Variants in RARB observed in about 807,000 individuals in gnomAD.
The protein encoded by RARB is retinoic acid receptor beta, also known as HBV-activated protein.
In RARB, 17 loss-of-function variants were observed where a neutral mutation model predicts 51.9. The observed-to-expected ratio is 0.33, with a 90% CI of 0.22 to 0.49. The LOEUF (loss-of-function observed/expected upper bound fraction) is 0.49, where lower values mean the gene tolerates loss of function less well. RARB is among the 20% of genes least tolerant of loss of function. The pLI, the probability that RARB is intolerant of heterozygous loss-of-function variation, is 0.99. For synonymous variants in RARB, 215 were observed against 195.4 expected (o/e 1.10, Z -0.84); for missense variants, 369 against 550.8 (o/e 0.67, Z 3.30).
In RARB at chr3:25,056,686, TATG is replaced by T. The variant is rs551802884; in HGVS notation, c.-379-3436_-379-3434del. On this transcript the variant is annotated intron_variant, in intron 2 of 11. Coordinates refer to the RARB transcript ENST00000383772. ...TACTTGTATGTATCTCAATGTATCA[TATG>T]ATATACATACCTGTATATATGATAA... Among the ~76,000 whole-genome samples the T allele has an allele frequency of 1.4e-3, 214 of 152,298 alleles. 1 individual carries two copies. The highest frequency in any genetic ancestry group is 8.7e-3 in the South Asian group (42 of 4,826).
chr3:25,223,955 A>G, intron 5 of RARB, among the ~76,000 whole-genome samples: 1 of 152,214 alleles, frequency 6.6e-6, no homozygotes, highest in East Asian at 1.9e-4. Flanking sequence ...AAATATTTAA[A>G]AATTTTTTGA....
At chr3:25,263,881 A>G (rs1264538395) in intron 5 of RARB, among the ~76,000 whole-genome samples, 3 of 152,184 alleles carry the variant, frequency 2.0e-5, no homozygotes, top group African/African-American at 7.2e-5. Context: ...GTGTCTTCTC[A>G]GCAGTTCTGA....
intron 2 of RARB, among the ~76,000 whole-genome samples, chr3:25,054,479 T>G (rs1177838005): frequency 4.6e-5 from 7 of 152,152 alleles, no homozygotes; most frequent in Non-Finnish European, 1.0e-4. Context: ...TGGTGGTGTT[T>G]GGTGTGAACC....
intron 2 of RARB, among the ~76,000 whole-genome samples, chr3:25,056,633 T>A (rs1698447900): frequency 6.6e-6 from 1 of 152,128 alleles, no homozygotes; most frequent in Admixed American, 6.6e-5. Flanking sequence ...AATTCTTTAG[T>A]ATATACCCAA....
intron 1 of RARB, among the ~76,000 whole-genome samples, chr3:24,834,335 C>T (rs1702315758): frequency 1.3e-5 from 2 of 152,066 alleles, no homozygotes; most frequent in Non-Finnish European, 2.9e-5. Context: ...CTTGAATAGC[C>T]TGTTTTTTTC....
At chr3:24,857,358 T>A (rs2125339461) in intron 1 of RARB, among the ~76,000 whole-genome samples, 1 of 152,336 alleles carries the variant, frequency 6.6e-6, no homozygotes. Flanking sequence ...CCACTGCTCG[T>A]TCACCCAGAA....
chr3:25,444,863 C>T (rs1708858185), intron 1 of RARB, among the ~76,000 whole-genome samples: 1 of 152,184 alleles, frequency 6.6e-6, no homozygotes, highest in African/African-American at 2.4e-5. Flanking sequence ...CATTGCATTA[C>T]AGGAGGTGAG....
At chr3:25,434,762 G>C (rs139002538) in intron 1 of RARB, among the ~76,000 whole-genome samples, 2 of 151,572 alleles carry the variant, frequency 1.3e-5, no homozygotes, top group East Asian at 1.9e-4. Context: ...GGATGGTCTC[G>C]ATCTCCTGAC....
chr3:25,145,868 A>AG (rs1418564891), intron 4 of RARB, among the ~76,000 whole-genome samples: 2 of 151,854 alleles, frequency 1.3e-5, no homozygotes, highest in African/African-American at 4.8e-5. Flanking sequence ...CAGGCATGGT[A>AG]GGGGGTGCCT....
chr3:25,507,896 C>T (rs1407861470), intron 3 of RARB, among the ~76,000 whole-genome samples: 1 of 152,020 alleles, frequency 6.6e-6, no homozygotes, highest in Non-Finnish European at 1.5e-5. Flanking sequence ...ACTGGGTGCC[C>T]CTACCCTGTG....
intron 2 of RARB, chr3:25,462,327 C>T (rs2125556878): frequency 6.6e-6 from 1 of 152,190 alleles, no homozygotes; most frequent in South Asian, 2.1e-4. Context: ...AGAAACATGA[C>T]TTCAAAGGCA....
intron 2 of RARB, among the ~76,000 whole-genome samples, chr3:24,985,856 C>T (rs897547322): frequency 1.3e-5 from 2 of 152,236 alleles, no homozygotes; most frequent in African/African-American, 4.8e-5. Flanking sequence ...AGCCTCCACG[C>T]ATGTCAGTAT....
At chr3:24,860,900 T>G (rs1366107594) in intron 2 of RARB, among the ~76,000 whole-genome samples, 1 of 152,186 alleles carries the variant, frequency 6.6e-6, no homozygotes, top group Non-Finnish European at 1.5e-5. Context: ...ACAAGTAAAC[T>G]TGCTACTCAG....
intron 2 of RARB, among the ~76,000 whole-genome samples, chr3:25,031,020 T>A (rs1430682437): frequency 6.6e-6 from 1 of 152,142 alleles, no homozygotes; most frequent in Non-Finnish European, 1.5e-5. Context: ...TGGGCCACAG[T>A]AGGGTTTCTT....
intron 5 of RARB, among the ~76,000 whole-genome samples, chr3:25,233,385 C>T (rs956402718): frequency 6.6e-6 from 1 of 152,070 alleles, no homozygotes; most frequent in African/African-American, 2.4e-5. Context: ...GTTGACCTTA[C>T]GTCCTGCAAC....
chr3:25,395,337 C>T (rs1707086347), intron 5 of RARB, among the ~76,000 whole-genome samples: 1 of 152,180 alleles, frequency 6.6e-6, no homozygotes, highest in Non-Finnish European at 1.5e-5. Flanking sequence ...GAGATTCTTT[C>T]CTTCATCTTG....
chr3:25,258,940 C>G lies in RARB; in HGVS notation c.178+84365C>G, dbSNP rs1193820923. ...CCCAAATTCCTCTCAAAGGCACTAACTTTCAACACCACCACACTGGGGACC... is the reference window on the plus strand; with the variant it reads ...CCCAAATTCCTCTCAAAGGCACTAAGTTTCAACACCACCACACTGGGGACC... On this transcript the variant is annotated intron_variant, in intron 5 of 11. Coordinates refer to the RARB transcript ENST00000383772. The G allele has an allele frequency of 8.5e-6, 6 of 708,082 alleles. No homozygotes were observed. In the African/African-American group the frequency reaches 1.2e-4, roughly 14 times the overall value. 43.9% of individuals were successfully genotyped at this position (708,082 alleles called of 1,614,324 possible). A position where few individuals can be genotyped will look rare whatever the true frequency, so the allele number is the denominator to read the frequency against.
At chr3:24,870,930 G>C (rs561211681) in intron 2 of RARB, among the ~76,000 whole-genome samples, 1 of 151,778 alleles carries the variant, frequency 6.6e-6, no homozygotes, top group Non-Finnish European at 1.5e-5. Context: ...TATACAGTAC[G>C]TTATTGTTGA....
At chr3:24,850,937 C>A (rs1433153851) in intron 1 of RARB, among the ~76,000 whole-genome samples, 1 of 152,222 alleles carries the variant, frequency 6.6e-6, no homozygotes. Context: ...CATTAGCAAA[C>A]CTCCTGTGTC....
Sources: gnomAD v4.1 joint callset for allele counts (sites outside exome capture counted in the v4.1 genomes callset) on GRCh38, gnomAD v4.1.1 for gene constraint, MANE v1.5 for transcripts, NCBI Gene and HGNC (gene_info 2026-07-23, HGNC 2026-07-21) for gene names.